Variants in SLC25A28 observed in about 807,000 individuals in gnomAD.
SLC25A28 encodes solute carrier family 25 member 28.
In SLC25A28, 10 loss-of-function variants were observed where a neutral mutation model predicts 31.9. That is an observed-to-expected ratio of 0.31 (90% CI 0.19 to 0.53). SLC25A28 has a LOEUF of 0.53. SLC25A28 is among the 20% of genes least tolerant of loss of function. The probability of loss-of-function intolerance (pLI) is 0.95; values close to 1 mark genes in which losing one functional copy is unlikely to be tolerated. For missense variants in SLC25A28, 256 were observed against 490.3 expected (o/e 0.52, Z 4.51); for synonymous variants, 208 against 203.6 (o/e 1.02, Z -0.19).
chr10:99,617,426 T>G, intron 1 of SLC25A28: 1 of 985,464 alleles, frequency 1.0e-6, no homozygotes, highest in South Asian at 4.7e-5. Context: ...CAGCTTTCAT[T>G]TGCAAACATT....
At chr10:99,630,288 C>T in the SLC25A28 span, among the ~76,000 whole-genome samples, 1 of 152,044 alleles carries the variant, frequency 6.6e-6, no homozygotes, top group African/African-American at 2.4e-5. Context: ...ACCACCACCC[C>T]CGGCAAATTT....
the SLC25A28 span, among the ~76,000 whole-genome samples, chr10:99,650,373 TCTTA>T: frequency 6.6e-6 from 1 of 152,010 alleles, no homozygotes; most frequent in African/African-American, 2.4e-5. Context: ...AGAAATTGGG[TCTTA>T]CTATGTTGTC....
chr10:99,655,976 T>C, the SLC25A28 span, among the ~76,000 whole-genome samples: 1 of 152,104 alleles, frequency 6.6e-6, no homozygotes, highest in East Asian at 1.9e-4. Context: ...CCATATCTCA[T>C]TGGAATAAGA....
At chr10:99,648,048 G>T in the SLC25A28 span, among the ~76,000 whole-genome samples, 1 of 151,994 alleles carries the variant, frequency 6.6e-6, no homozygotes, top group South Asian at 2.1e-4. Flanking sequence ...CACCAGGCTG[G>T]AGTGCAGTGG....
the SLC25A28 span, among the ~76,000 whole-genome samples, chr10:99,628,189 A>AT: frequency 6.6e-6 from 1 of 152,186 alleles, no homozygotes; most frequent in Non-Finnish European, 1.5e-5. Context: ...AAGACTTACA[A>AT]TTTTTATTTT....
rs11190188 is a variant in SLC25A28 at position 99,616,552 on chromosome 10, G to C, written c.292-2628C>G. ...ATACATGGGCAACTAACTGTCCTTA[G>C]CCACCAATAAATCAGGGTTAATTTT... On this transcript the variant is annotated intron_variant, in intron 1 of 3. Coordinates refer to ENST00000370495, the MANE Select transcript of SLC25A28 (RefSeq NM_031212.4). The C allele has an allele frequency of 5.1e-6, 5 of 985,102 alleles. No individual in the cohort carries two copies. In the African/African-American group the frequency reaches 7.0e-5, roughly 14 times the overall value. The allele number at this position is 985,102 out of a possible 1,614,324, so 61.0% of individuals were successfully genotyped here. A position where few individuals can be genotyped will look rare whatever the true frequency, so the allele number is the denominator to read the frequency against.
the SLC25A28 span, among the ~76,000 whole-genome samples, chr10:99,627,905 G>T: frequency 6.6e-6 from 1 of 151,948 alleles, no homozygotes; most frequent in Non-Finnish European, 1.5e-5. Flanking sequence ...CCAGCCTCTG[G>T]TAACCATCCT....
At chr10:99,649,596 G>C in the SLC25A28 span, among the ~76,000 whole-genome samples, 189 of 152,138 alleles carry the variant, frequency 1.2e-3, no homozygotes, top group Non-Finnish European at 1.9e-3. Context: ...TTTTTTTGTT[G>C]TTGTTGAGAG....
chr10:99,620,967 A>G, upstream of SLC25A28: 1 of 985,324 alleles, frequency 1.0e-6, no homozygotes, highest in African/African-American at 1.7e-5. Flanking sequence ...TGCGCTCCTC[A>G]AATTCTGAGA....
chr10:99,634,563 G>A, the SLC25A28 span, among the ~76,000 whole-genome samples: 3 of 152,054 alleles, frequency 2.0e-5, no homozygotes, highest in Non-Finnish European at 2.9e-5. Context: ...CAAAGACAAG[G>A]TCTTTGAATT....
chr10:99,631,894 T>TTA, the SLC25A28 span, among the ~76,000 whole-genome samples: 3 of 111,184 alleles, frequency 2.7e-5, no homozygotes, highest in South Asian at 3.4e-4. Flanking sequence ...TTTTTTTATT[T>TTA]TTTTTTTTTT....
At chr10:99,632,248 T>C in the SLC25A28 span, among the ~76,000 whole-genome samples, 1 of 152,282 alleles carries the variant, frequency 6.6e-6, no homozygotes, top group Middle Eastern at 3.4e-3. Flanking sequence ...ACATTTACAT[T>C]GTATTAGGTA....
Position 99,616,141 on chromosome 10 carries a change from A to C in SLC25A28, c.292-2217T>G, listed in dbSNP as rs973889506. On this transcript the variant is annotated intron_variant, in intron 1 of 3. Coordinates refer to ENST00000370495, the MANE Select transcript of SLC25A28 (RefSeq NM_031212.4). ...AATATCTAAGTAAGAATTTCTGAAAAACCTCAATGTGAAAAACTTCTACCT... is the reference window on the plus strand; with the variant it reads ...AATATCTAAGTAAGAATTTCTGAAACACCTCAATGTGAAAAACTTCTACCT... The C allele has an allele frequency of 1.4e-5, 14 of 985,296 alleles. No homozygotes were observed. In the African/African-American group the frequency reaches 2.3e-4, roughly 16 times the overall value. 61.0% of individuals were successfully genotyped at this position (985,296 alleles called of 1,614,324 possible).
At chr10:99,615,434 T>C (rs927756642) in intron 1 of SLC25A28, 7 of 984,338 alleles carry the variant, frequency 7.1e-6, no homozygotes, top group South Asian at 4.7e-5. Context: ...CTCAAGAGCA[T>C]GGGAGAAAAG....
intron 1 of SLC25A28, among the ~76,000 whole-genome samples, chr10:99,619,775 T>G (rs879502427): frequency 1.2e-4 from 19 of 152,224 alleles, no homozygotes; most frequent in African/African-American, 2.9e-4. Flanking sequence ...TAGTCCCAGG[T>G]GGGGTCCAGG....
At chr10:99,624,149 C>CT (rs34366480), upstream of SLC25A28, among the ~76,000 whole-genome samples, 4 of 103,078 alleles carry the variant, frequency 3.9e-5, no homozygotes, top group Non-Finnish European at 6.2e-5. Context: ...TTCTCTTTTT[C>CT]TTTCTTTCTT....
Position 99,615,600 on chromosome 10 carries a change from T to C in SLC25A28, c.292-1676A>G, listed in dbSNP as rs368700911. ...CTCTACACAGTATCACTTATCACAA[T>C]TTGACACATTCTTTCCTACTTCCCC... On this transcript the variant is annotated intron_variant, in intron 1 of 3. Transcript: ENST00000370495. 6.1e-6 allele frequency: 6 copies of C among 985,392 alleles called. No homozygotes were observed. The Admixed American group carries it at 2.5e-4, about 40-fold the overall frequency. The allele number at this position is 985,392 out of a possible 1,614,324, so 61.0% of individuals were successfully genotyped here. A position where few individuals can be genotyped will look rare whatever the true frequency, so the allele number is the denominator to read the frequency against.
chr10:99,648,176 T>TG, the SLC25A28 span, among the ~76,000 whole-genome samples: 2 of 150,784 alleles, frequency 1.3e-5, no homozygotes, highest in Admixed American at 1.3e-4. Flanking sequence ...TTTTTTTTTT[T>TG]TGTAGTAGAG....
At chr10:99,655,489 C>T in the SLC25A28 span, among the ~76,000 whole-genome samples, 2 of 152,114 alleles carry the variant, frequency 1.3e-5, no homozygotes, top group Non-Finnish European at 2.9e-5. Context: ...CCTTGAACTC[C>T]TGGCCTCAAG....
Sources: gnomAD v4.1 joint callset for allele counts (sites outside exome capture counted in the v4.1 genomes callset) on GRCh38, gnomAD v4.1.1 for gene constraint, MANE v1.5 for transcripts, NCBI Gene and HGNC (gene_info 2026-07-23, HGNC 2026-07-21) for gene names.